DCST2: variants seen among roughly 807,000 people sequenced by gnomAD.
DCST2 encodes DC-STAMP domain containing 2, also known as DC-STAMP domain-containing protein 2.
A neutral mutation model predicts 81.8 loss-of-function variants in DCST2; 64 were observed. The ratio of observed to expected loss-of-function variants is 0.78; its 90% CI spans 0.64 to 0.96. DCST2 has a LOEUF of 0.96. Among genes scored for constraint, DCST2 ranks in the 40% least tolerant of loss-of-function variants. The pLI, the probability that DCST2 is intolerant of heterozygous loss-of-function variation, is 0.00. For synonymous variants in DCST2, 354 were observed against 402.6 expected (o/e 0.88, Z 1.44); for missense variants, 945 against 1,001.4 (o/e 0.94, Z 0.76).
chr1:155,027,764 T>C (rs1325265781), intron 8 of DCST2, among the ~76,000 whole-genome samples: 2 of 150,692 alleles, frequency 1.3e-5, no homozygotes, highest in Non-Finnish European at 3.0e-5. Flanking sequence ...GGTTTCACCA[T>C]GTTGGCCATG....
chr1:155,023,154 C>T lies in DCST2; in HGVS notation c.2068G>A (p.Gly690Ser), dbSNP rs370249543. 169 of 1,613,730 alleles carry T rather than the reference C, an allele frequency of 1.0e-4. No individual in the cohort carries two copies. The highest frequency in any genetic ancestry group is 1.3e-4 in the Non-Finnish European group (157 of 1,180,044). ...GTGGACTCCATTGAGAGGCTCCTGC[C>T]GAGCACTTCTTGGAGCTGTTGCTGC... is the stretch of plus-strand genomic sequence containing the variant. ...LLQQQLQEVL[G>S]RSLSMESTSE... The change falls in exon 14 of 15, where the codon GGC (glycine) becomes AGC (serine). Residue 690 changes from glycine (G) to serine (S), a missense_variant. Physicochemically the swap from Gly to Ser is moderately conservative, Grantham distance 56. Coordinates refer to ENST00000368424, the MANE Select transcript of DCST2 (RefSeq NM_144622.3).
rs535606593 is a variant in DCST2 at position 155,030,556 on chromosome 1, G to A, written c.895C>T (p.Arg299Trp). ...TCCATGGCTACCTGGGACAGGCTCCGAGAGGCATTGAGATCCACAGAGAAG... is the reference window on the plus strand; with the variant it reads ...TCCATGGCTACCTGGGACAGGCTCCAAGAGGCATTGAGATCCACAGAGAAG... ...HHFSVDLNASRSLSQVAMDLH... is the reference protein window; with the variant it reads ...HHFSVDLNASWSLSQVAMDLH... Residue 299 changes from arginine to tryptophan, a missense_variant, in exon 6 of 15, where the codon CGG (arginine) becomes TGG (tryptophan). Transcript: ENST00000368424. The A allele has an allele frequency of 1.4e-5, 22 of 1,614,128 alleles. 1 individual carries two copies. In the South Asian group the frequency reaches 2.2e-4, roughly 16 times the overall value.
intron 3 of DCST2, 102 bp downstream of exon 3, chr1:155,032,565 C>T (rs1482639223): frequency 7.6e-6 from 7 of 917,914 alleles, no homozygotes; most frequent in Non-Finnish European, 1.2e-5. Flanking sequence ...GATTCTCCCA[C>T]CTCGGCCTCG....
intron 10 of DCST2, among the ~76,000 whole-genome samples, chr1:155,025,580 G>C (rs1232724904): frequency 6.6e-6 from 1 of 152,076 alleles, no homozygotes; most frequent in Non-Finnish European, 1.5e-5. Flanking sequence ...GCCCACCTCG[G>C]CCTCCTAAAG....
chr1:155,032,613 G>A (rs1398326392), intron 3 of DCST2, 54 bp downstream of exon 3: 18 of 1,508,892 alleles, frequency 1.2e-5, no homozygotes, highest in African/African-American at 2.8e-5. Flanking sequence ...CACCGCACCC[G>A]GCCAGGACTG....
intron 8 of DCST2, among the ~76,000 whole-genome samples, chr1:155,028,010 T>C (rs1169128613): frequency 6.6e-6 from 1 of 151,798 alleles, no homozygotes; most frequent in Non-Finnish European, 1.5e-5. Context: ...CTGCAACCTC[T>C]GCCTCCCAGG....
chr1:155,018,903 T>C, intron 14 of DCST2, 143 bp from the exon 15 acceptor site: 1 of 796,010 alleles, frequency 1.3e-6, no homozygotes, highest in Admixed American at 2.6e-5. Flanking sequence ...CCACGAGGCG[T>C]ACCAGCCCAT....
intron 4 of DCST2, among the ~76,000 whole-genome samples, 165 bp downstream of exon 4, chr1:155,031,409 T>G (rs1414381720): frequency 6.7e-6 from 1 of 149,008 alleles, no homozygotes; most frequent in Non-Finnish European, 1.5e-5. Context: ...AGTCCCTCCC[T>G]ACTGCCCACC....
At chr1:155,027,189 C>A (rs888693436) in intron 8 of DCST2, among the ~76,000 whole-genome samples, 1 of 147,770 alleles carries the variant, frequency 6.8e-6, no homozygotes, top group South Asian at 2.2e-4. Flanking sequence ...CGTGCCACCA[C>A]GACCGGCTAT....
At chr1:155,027,554 CTTTTTTT>C (rs779621299) in intron 8 of DCST2, among the ~76,000 whole-genome samples, 4 of 64,020 alleles carry the variant, frequency 6.2e-5, no homozygotes, top group South Asian at 1.2e-3. Flanking sequence ...TTTTTTACTT[CTTTTTTT>C]TTTTTTTTTT....
At chr1:155,029,972 C>G in intron 7 of DCST2, 112 bp downstream of exon 7, 1 of 1,499,450 alleles carries the variant, frequency 6.7e-7, no homozygotes, top group African/African-American at 1.4e-5. Context: ...CTGGCCCCTG[C>G]CCCAAGCCCA....
At chr1:155,031,960 G>A (rs1190735200) in intron 3 of DCST2, among the ~76,000 whole-genome samples, 189 bp from the exon 4 acceptor site, 1 of 152,156 alleles carries the variant, frequency 6.6e-6, no homozygotes, top group Non-Finnish European at 1.5e-5. Context: ...GTACAGGTGA[G>A]GAGACTGAAT....
chr1:155,026,520 C>T (rs763305094), intron 9 of DCST2, 28 bp downstream of exon 9: 1 of 1,613,564 alleles, frequency 6.2e-7, no homozygotes. Context: ...TGTCCACGCC[C>T]CCAGGGACCT....
intron 8 of DCST2, 147 bp from the exon 9 acceptor site, chr1:155,026,862 C>A (rs1031692892): frequency 5.5e-5 from 51 of 919,124 alleles, no homozygotes; most frequent in Non-Finnish European, 7.9e-5. Flanking sequence ...CAGGCACCCT[C>A]ATGGTGCCCT....
Position 155,023,971 on chromosome 1 carries a change from G to GTCACA in DCST2, c.1743-17_1743-13dup. 5 of 1,611,116 alleles carry GTCACA rather than the reference G, an allele frequency of 3.1e-6. No individual in the cohort carries two copies. Among genetic ancestry groups the GTCACA allele is most frequent in the Non-Finnish European group, 4.2e-6 (5 of 1,179,024 alleles). ...CTAGGCAGGGGCACCTGAGAAAAGG[G>GTCACA]TCACAGACACTAAGCAGGCCAGCCC... On this transcript the variant is annotated splice_polypyrimidine_tract_variant and intron_variant, in intron 11 of 14. Transcript: ENST00000368424.
chr1:155,029,356 G>C lies in DCST2; in HGVS notation c.1219C>G (p.Leu407Val). The part of the protein sequence containing the change: ...LSQWEKFFYI[L>V]ETFNLIRHLL... ...TGTCGGATAAGGTTGAAGGTCTCCA[G>C]AATGTAAAAAAACTTCTCCCATTGG... The change falls in exon 8 of 15, where the codon CTG (leucine) becomes GTG (valine). Residue 407 changes from leucine to valine, a missense_variant. By Grantham distance (32) the Leu-to-Val change is conservative. Coordinates refer to ENST00000368424, the MANE Select transcript of DCST2 (RefSeq NM_144622.3). The C allele has an allele frequency of 2.5e-6, 4 of 1,614,092 alleles. No individual in the cohort carries two copies. Among genetic ancestry groups the C allele is most frequent in the Middle Eastern group, 1.7e-4 (1 of 6,058 alleles).
intron 8 of DCST2, among the ~76,000 whole-genome samples, chr1:155,027,550 ACTT>A (rs1659948645): frequency 9.6e-6 from 1 of 103,758 alleles, no homozygotes; most frequent in Non-Finnish European, 2.0e-5. Context: ...GGAGTTTTTT[ACTT>A]CTTTTTTTTT....
At chr1:155,023,610 G>C (rs766367762) in intron 12 of DCST2, 153 bp from the exon 13 acceptor site, 2 of 1,546,322 alleles carry the variant, frequency 1.3e-6, no homozygotes, top group South Asian at 2.4e-5. Flanking sequence ...AATGCCACTT[G>C]CATATAAATC....
Position 155,032,752 on chromosome 1 carries a change from A to C in DCST2, c.456T>G (p.Ile152Met). The C allele has an allele frequency of 6.2e-7, 1 of 1,614,118 alleles. No homozygotes were observed. The highest frequency in any genetic ancestry group is 8.5e-7 in the Non-Finnish European group (1 of 1,180,010). Residue 152 changes from isoleucine to methionine, a missense_variant, in exon 3 of 15, where the codon ATT becomes ATG. Ile to Met is a conservative substitution (Grantham distance 10). Transcript: ENST00000368424. The part of the protein sequence containing the change: ...KQPLVSALNK[I>M]KAIARKTKEV... ...CTTTGGTCTTCCGGGCAATAGCTTT[A>C]ATCTTGTTCAGGGCACCTGATGGGT...
Sources: allele counts gnomAD v4.1 joint callset (sites outside exome capture counted in the v4.1 genomes callset), GRCh38; gene constraint gnomAD v4.1.1; transcripts MANE v1.5; gene names NCBI Gene and HGNC (gene_info 2026-07-23, HGNC 2026-07-21).